SLC24A3: variants seen among roughly 807,000 people sequenced by gnomAD.
The protein encoded by SLC24A3 is solute carrier family 24 member 3, also known as sodium/potassium/calcium exchanger 3.
SLC24A3 carries 28 observed loss-of-function variants against 75.8 expected under a neutral mutation model. That is an observed-to-expected ratio of 0.37 (90% CI 0.27 to 0.51). The LOEUF is 0.51. Ranked by LOEUF, SLC24A3 falls within the 20% of genes least tolerant of loss-of-function variation. The pLI is 0.94. For missense variants in SLC24A3, 663 were observed against 847.8 expected (o/e 0.78, Z 2.71); for synonymous variants, 372 against 334.1 (o/e 1.11, Z -1.24).
chr20:19,643,843 C>T (rs950083995), intron 6 of SLC24A3, among the ~76,000 whole-genome samples: 1 of 152,174 alleles, frequency 6.6e-6, no homozygotes, highest in African/African-American at 2.4e-5. Context: ...AAGTGTTCCT[C>T]AAGTTAGAGA....
chr20:19,457,669 A>C (rs886803521), intron 2 of SLC24A3, among the ~76,000 whole-genome samples: 1 of 152,168 alleles, frequency 6.6e-6, no homozygotes, highest in Non-Finnish European at 1.5e-5. Flanking sequence ...AATCCTGTAC[A>C]TCCTGACAGC....
chr20:19,628,277 T>C (rs1239905985), intron 6 of SLC24A3, among the ~76,000 whole-genome samples: 1 of 150,244 alleles, frequency 6.7e-6, no homozygotes, highest in African/African-American at 2.5e-5. Flanking sequence ...AGAGCACTCA[T>C]ATCACTGATG....
At chr20:19,477,723 C>A (rs745539886) in intron 2 of SLC24A3, among the ~76,000 whole-genome samples, 3 of 152,122 alleles carry the variant, frequency 2.0e-5, no homozygotes, top group Non-Finnish European at 4.4e-5. Flanking sequence ...CCAATTAAGG[C>A]AAATGGCTTG....
intron 2 of SLC24A3, among the ~76,000 whole-genome samples, chr20:19,307,421 T>C (rs1249322624): frequency 6.6e-6 from 1 of 152,220 alleles, no homozygotes; most frequent in East Asian, 1.9e-4. Context: ...TGTCTTTATG[T>C]AGATGAAAAG....
intron 3 of SLC24A3, among the ~76,000 whole-genome samples, chr20:19,574,689 C>T (rs1443589651): frequency 2.6e-5 from 4 of 152,204 alleles, no homozygotes; most frequent in Non-Finnish European, 5.9e-5. Flanking sequence ...TGAGGGGCTG[C>T]GCTATGTCTA....
intron 2 of SLC24A3, among the ~76,000 whole-genome samples, chr20:19,418,651 A>G (rs372364871): frequency 9.9e-5 from 15 of 151,690 alleles, no homozygotes; most frequent in East Asian, 9.6e-4. Context: ...AGTGCCCATC[A>G]CCATGAATTG....
intron 2 of SLC24A3, among the ~76,000 whole-genome samples, chr20:19,393,662 A>AG (rs1391800476): frequency 5.9e-5 from 9 of 152,186 alleles, no homozygotes; most frequent in African/African-American, 2.2e-4. Context: ...GGAAGGCAAG[A>AG]GATTTGTCCA....
At chr20:19,218,613 T>C (rs1419292575) in intron 1 of SLC24A3, among the ~76,000 whole-genome samples, 1 of 152,240 alleles carries the variant, frequency 6.6e-6, no homozygotes, top group Non-Finnish European at 1.5e-5. Flanking sequence ...CTCTTTCCTC[T>C]TGGCTTTTCT....
intron 4 of SLC24A3, among the ~76,000 whole-genome samples, chr20:19,584,381 C>G (rs2031263745): frequency 6.6e-6 from 1 of 152,150 alleles, no homozygotes; most frequent in South Asian, 2.1e-4. Context: ...CCCAACATGC[C>G]TCCATAACCT....
intron 1 of SLC24A3, among the ~76,000 whole-genome samples, chr20:19,217,497 T>C (rs998784363): frequency 2.0e-5 from 3 of 152,260 alleles, no homozygotes; most frequent in Non-Finnish European, 4.4e-5. Flanking sequence ...CTTCCATTCA[T>C]GAAAATATTG....
At chr20:19,263,517 G>T (rs1159987235) in intron 1 of SLC24A3, among the ~76,000 whole-genome samples, 1 of 152,208 alleles carries the variant, frequency 6.6e-6, no homozygotes, top group East Asian at 1.9e-4. Flanking sequence ...GAGAGGCGTT[G>T]CTCTCTGGCT....
intron 9 of SLC24A3, among the ~76,000 whole-genome samples, chr20:19,677,266 C>T (rs1162882000): frequency 2.0e-5 from 3 of 150,826 alleles, no homozygotes; most frequent in Non-Finnish European, 4.4e-5. Context: ...TTGAGACTAA[C>T]CTCAGCAACA....
rs141042184 is a variant in SLC24A3 at position 19,704,114 on chromosome 20, G to A, written c.1719+5434G>A. 4.6e-5 allele frequency among the ~76,000 whole-genome samples: 7 copies of A among 152,232 alleles called. No individual in the cohort carries two copies. In the East Asian group the frequency reaches 1.2e-3, roughly 25 times the overall value. The stretch of plus-strand genomic sequence containing the variant: ...TTGTTTGTGCCTAGCGCAGTGCTTG[G>A]CACTTGGAACATATTCCACAAATAT... On this transcript the variant is annotated intron_variant, in intron 15 of 16. Coordinates refer to ENST00000328041, the MANE Select transcript of SLC24A3 (RefSeq NM_020689.4).
intron 2 of SLC24A3, among the ~76,000 whole-genome samples, chr20:19,499,534 C>G (rs189959233): frequency 8.9e-4 from 135 of 152,300 alleles, no homozygotes; most frequent in African/African-American, 3.1e-3. Context: ...CCCACCTTAG[C>G]CTGCTGAGTA....
At chr20:19,374,193 C>A (rs1986040230) in intron 2 of SLC24A3, among the ~76,000 whole-genome samples, 1 of 152,156 alleles carries the variant, frequency 6.6e-6, no homozygotes, top group Admixed American at 6.5e-5. Flanking sequence ...GAAAGTTTCC[C>A]AGTTCCTCTG....
intron 2 of SLC24A3, among the ~76,000 whole-genome samples, chr20:19,379,034 C>T (rs1295527579): frequency 6.6e-6 from 1 of 152,038 alleles, no homozygotes; most frequent in Non-Finnish European, 1.5e-5. Flanking sequence ...CTCCAGGTTA[C>T]AGTGGCTGTG....
chr20:19,357,141 A>G (rs1017903340), intron 2 of SLC24A3, among the ~76,000 whole-genome samples: 3 of 152,132 alleles, frequency 2.0e-5, no homozygotes, highest in Admixed American at 1.3e-4. Flanking sequence ...GAGATTAGAC[A>G]CACAAGAAGA....
At chr20:19,539,383 C>T (rs922189077) in intron 3 of SLC24A3, among the ~76,000 whole-genome samples, 2 of 152,172 alleles carry the variant, frequency 1.3e-5, no homozygotes, top group African/African-American at 4.8e-5. Flanking sequence ...GGTTCCTTCA[C>T]ACCTTCCAAG....
chr20:19,384,760 C>CT (rs2122378298), intron 2 of SLC24A3, among the ~76,000 whole-genome samples: 1 of 152,316 alleles, frequency 6.6e-6, no homozygotes, highest in South Asian at 2.1e-4. Flanking sequence ...TCATCATACT[C>CT]TTTTCCATAA....
Sources: allele counts gnomAD v4.1 joint callset (sites outside exome capture counted in the v4.1 genomes callset), GRCh38; gene constraint gnomAD v4.1.1; transcripts MANE v1.5; gene names NCBI Gene and HGNC (gene_info 2026-07-23, HGNC 2026-07-21).